The following GRID2 variants were observed in gnomAD, a reference collection of about 807,000 sequenced individuals.
GRID2 encodes glutamate ionotropic receptor delta type subunit 2.
Under a neutral mutation model 114.8 loss-of-function variants are expected in GRID2, and 33 were observed. The observed-to-expected ratio is 0.29, with a 90% CI of 0.22 to 0.38. The LOEUF is 0.38. GRID2 is among the 10% of genes least tolerant of loss of function. GRID2 has a pLI of 1.00. For missense variants in GRID2, 1,184 were observed against 1,257.7 expected (o/e 0.94, Z 0.89); for synonymous variants, 505 against 449.9 (o/e 1.12, Z -1.55).
intron 2 of GRID2, among the ~76,000 whole-genome samples, chr4:92,990,760 G>A (rs752387302): frequency 2.6e-5 from 4 of 151,834 alleles, no homozygotes; most frequent in Admixed American, 6.6e-5. Flanking sequence ...CTAAATGAAA[G>A]AACAAAAGAT....
chr4:93,192,971 G>T (rs1579248990), intron 4 of GRID2, among the ~76,000 whole-genome samples: 2 of 152,160 alleles, frequency 1.3e-5, no homozygotes, highest in Non-Finnish European at 2.9e-5. Context: ...AGAAACAAAT[G>T]AAAAGCAAAA....
Position 92,479,226 on chromosome 4 carries a change from C to T in GRID2, c.89-110905C>T, listed in dbSNP as rs572246269. Among the ~76,000 whole-genome samples, 44 of 152,140 alleles carry T rather than the reference C, an allele frequency of 2.9e-4. 1 individual carries two copies. The highest frequency in any genetic ancestry group is 1.5e-3 in the South Asian group (7 of 4,824). On this transcript the variant is annotated intron_variant, in intron 1 of 15. Coordinates refer to ENST00000282020, the MANE Select transcript of GRID2 (RefSeq NM_001510.4). Reference sequence around the variant, plus strand: ...ACTTACTTCAAGTTTAGTTTGTGCACGCTATGGAAATAATTACATGGTTTT... The same window carrying T: ...ACTTACTTCAAGTTTAGTTTGTGCATGCTATGGAAATAATTACATGGTTTT...
At chr4:92,691,173 T>C (rs561674974) in intron 2 of GRID2, among the ~76,000 whole-genome samples, 259 of 152,270 alleles carry the variant, frequency 1.7e-3, no homozygotes, top group African/African-American at 6.0e-3. Flanking sequence ...TAATTGGTAC[T>C]GAGAAGAAAT....
chr4:93,535,904 A>T (rs1025983144), intron 13 of GRID2, among the ~76,000 whole-genome samples: 4 of 151,964 alleles, frequency 2.6e-5, no homozygotes, highest in African/African-American at 9.7e-5. Flanking sequence ...ATTTTGATGT[A>T]ATCCCATTTG....
intron 2 of GRID2, among the ~76,000 whole-genome samples, chr4:92,647,585 C>T (rs1200872543): frequency 6.0e-5 from 9 of 149,212 alleles, no homozygotes; most frequent in Admixed American, 6.0e-4. Flanking sequence ...GGTAAAGTGA[C>T]ATTGAAGATA....
At chr4:93,276,924 T>TA (rs1194771463) in intron 8 of GRID2, among the ~76,000 whole-genome samples, 6 of 151,910 alleles carry the variant, frequency 3.9e-5, no homozygotes, top group African/African-American at 1.4e-4. Flanking sequence ...ATTTACCTAA[T>TA]ACCTTCTGCT....
At chr4:92,592,473 CT>C (rs548763218) in intron 2 of GRID2, among the ~76,000 whole-genome samples, 242 of 151,086 alleles carry the variant, frequency 1.6e-3, no homozygotes, top group African/African-American at 5.5e-3. Flanking sequence ...AATACTACAC[CT>C]TTTTTTTTGT....
rs1020613021 is a variant in GRID2, at chr4:93,275,573, A to G, written c.1245+37083A>G. Reference sequence around the variant, plus strand: ...TCCATTGGCAATATACGAGGGTTCAATTTCTCCACATCTTCACCACCACTT... The same window carrying G: ...TCCATTGGCAATATACGAGGGTTCAGTTTCTCCACATCTTCACCACCACTT... On this transcript the variant is annotated intron_variant, in intron 8 of 15. Coordinates refer to ENST00000282020, the MANE Select transcript of GRID2 (RefSeq NM_001510.4). Among the ~76,000 whole-genome samples the G allele has an allele frequency of 1.2e-3, 175 of 151,818 alleles. 3 individuals are homozygous for G. Among genetic ancestry groups the G allele is most frequent in the African/African-American group, 4.2e-3 (173 of 41,474 alleles).
intron 2 of GRID2, among the ~76,000 whole-genome samples, chr4:93,077,129 G>A (rs1482817875): frequency 1.3e-5 from 2 of 152,088 alleles, no homozygotes; most frequent in Non-Finnish European, 2.9e-5. Flanking sequence ...AGTGTGTGGT[G>A]ATATCATTTG....
intron 1 of GRID2, among the ~76,000 whole-genome samples, chr4:92,477,816 TAA>T (rs1722392128): frequency 6.8e-6 from 1 of 147,298 alleles, no homozygotes; most frequent in Non-Finnish European, 1.5e-5. Flanking sequence ...TTAATATAAT[TAA>T]AATAATATAT....
chr4:92,351,141 A>T (rs1259674782), intron 1 of GRID2, among the ~76,000 whole-genome samples: 1 of 151,866 alleles, frequency 6.6e-6, no homozygotes, highest in Non-Finnish European at 1.5e-5. Context: ...TAATATTTGT[A>T]TACAAGATTT....
chr4:93,548,543 G>A (rs908769588), intron 13 of GRID2, among the ~76,000 whole-genome samples: 3 of 152,184 alleles, frequency 2.0e-5, no homozygotes, highest in African/African-American at 4.8e-5. Context: ...AGATGTTATA[G>A]TGGTAATATT....
chr4:93,102,135 A>G (rs996138863), intron 3 of GRID2, among the ~76,000 whole-genome samples: 4 of 152,186 alleles, frequency 2.6e-5, no homozygotes, highest in Non-Finnish European at 4.4e-5. Context: ...TGACTCATGT[A>G]GTTTGAAAGT....
intron 4 of GRID2, among the ~76,000 whole-genome samples, chr4:93,130,038 T>TTC (rs1734655855): frequency 6.6e-6 from 1 of 152,178 alleles, no homozygotes; most frequent in Non-Finnish European, 1.5e-5. Context: ...TAGAATGACA[T>TTC]AGCTGAGATG....
At chr4:93,358,919 A>T (rs777424169) in intron 8 of GRID2, among the ~76,000 whole-genome samples, 7 of 152,086 alleles carry the variant, frequency 4.6e-5, no homozygotes, top group Non-Finnish European at 7.4e-5. Context: ...AATGGGAAGA[A>T]AGTTAACTGT....
rs1005084345 is a variant in GRID2 at position 92,672,063 on chromosome 4, TATATC to T, written c.244+81781_244+81785del. On this transcript the variant is annotated intron_variant, in intron 2 of 15. Transcript: ENST00000282020. ...TTTTATTATTTAAACTTTTTAATAT[TATATC>T]ATAAAAGATTGAATTCAGTTTTTTA... 1.6e-4 allele frequency among the ~76,000 whole-genome samples: 24 copies of T among 152,308 alleles called. No homozygotes were observed. The East Asian group carries it at 1.9e-3, about 12-fold the overall frequency.
At chr4:93,101,849 C>T (rs1158953415) in intron 3 of GRID2, among the ~76,000 whole-genome samples, 1 of 152,040 alleles carries the variant, frequency 6.6e-6, no homozygotes, top group Non-Finnish European at 1.5e-5. Flanking sequence ...TAGACATCAA[C>T]TTTTAGTTCC....
intron 2 of GRID2, among the ~76,000 whole-genome samples, chr4:92,644,087 A>G (rs1026754): frequency 0.056 from 8,476 of 151,798 alleles, 332 homozygotes; most frequent in East Asian, 0.16. Context: ...TTAAAAAATA[A>G]CAGATTGTGT....
intron 14 of GRID2, among the ~76,000 whole-genome samples, chr4:93,658,565 G>A (rs550419785): frequency 6.6e-6 from 1 of 152,258 alleles, no homozygotes; most frequent in Admixed American, 6.5e-5. Flanking sequence ...CACAAGAGCA[G>A]TATATAATGG....
Sources: gnomAD v4.1 joint callset for allele counts (sites outside exome capture counted in the v4.1 genomes callset) on GRCh38, gnomAD v4.1.1 for gene constraint, MANE v1.5 for transcripts, NCBI Gene and HGNC (gene_info 2026-07-23, HGNC 2026-07-21) for gene names.